The following MKX variants were observed in gnomAD, a reference collection of about 807,000 sequenced individuals.
MKX encodes the protein mohawk homeobox.
Under a neutral mutation model 36.0 loss-of-function variants are expected in MKX, and 13 were observed. The observed-to-expected ratio is 0.36, with a 90% confidence interval of 0.24 to 0.57. The LOEUF (loss-of-function observed/expected upper bound fraction) is 0.57. MKX is among the 20% of genes least tolerant of loss of function. The pLI is 0.79. For missense variants in MKX, 458 were observed against 456.4 expected (o/e 1.00, Z -0.03); for synonymous variants, 176 against 178.3 (o/e 0.99, Z 0.10).
chr10:27,739,283 T>C (rs1834842925), intron 3 of MKX, among the ~76,000 whole-genome samples: 1 of 152,100 alleles, frequency 6.6e-6, no homozygotes, highest in Non-Finnish European at 1.5e-5. Context: ...GATCCGTTGG[T>C]AATTCTATAC....
At chr10:27,708,600 G>A (rs1204495314) in intron 5 of MKX, among the ~76,000 whole-genome samples, 3 of 152,048 alleles carry the variant, frequency 2.0e-5, no homozygotes, top group Non-Finnish European at 4.4e-5. Context: ...GTGGTGGCGT[G>A]CGCCTCTAGT....
intron 5 of MKX, among the ~76,000 whole-genome samples, chr10:27,695,284 C>T (rs1016794581): frequency 1.3e-5 from 2 of 152,072 alleles, no homozygotes; most frequent in East Asian, 3.9e-4. Context: ...TCCCAGGCCA[C>T]CCACAGTGGA....
intron 5 of MKX, among the ~76,000 whole-genome samples, chr10:27,711,459 CTT>C (rs1554772169): frequency 1.2e-4 from 4 of 34,234 alleles, no homozygotes; most frequent in African/African-American, 1.9e-4. Flanking sequence ...TTCTTTCTTT[CTT>C]TCTTTCTTTC....
intron 5 of MKX, among the ~76,000 whole-genome samples, chr10:27,701,368 T>TTATA (rs60262269): frequency 4.6e-4 from 67 of 145,144 alleles, no homozygotes; most frequent in African/African-American, 8.3e-4. Context: ...AAAGATGATT[T>TTATA]TATATATATA....
chr10:27,719,846 G>A (rs1373163510), intron 5 of MKX, among the ~76,000 whole-genome samples: 1 of 151,710 alleles, frequency 6.6e-6, no homozygotes, highest in Non-Finnish European at 1.5e-5. Context: ...AAATTAGCTG[G>A]GCATGGTGGC....
chr10:27,675,521 C>G lies in MKX; in HGVS notation c.872G>C (p.Ser291Thr). 1 of 1,614,126 alleles carries G rather than the reference C, an allele frequency of 6.2e-7. No homozygotes were observed. Among genetic ancestry groups the G allele is most frequent in the Non-Finnish European group, 8.5e-7 (1 of 1,179,992 alleles). ...CGGCCAATGGGAACATTTTGCTCAC[C>G]TTTCACCCTTATTGGATCCGTTTTC... ...TLENGSNKGESAANRKGPSKD... is the reference protein window; with the variant it reads ...TLENGSNKGETAANRKGPSKD... The change falls in exon 6 of 7, where the codon AGC becomes ACC. Residue 291 changes from serine (S) to threonine (T), a missense_variant and splice_region_variant. Physicochemically the swap from Ser to Thr is moderately conservative, Grantham distance 58. Around this residue, in one of 3 missense-constraint regions of MKX, gnomAD observed 297 missense variants for 304.4 expected, o/e 0.98. Transcript: ENST00000419761.
intron 5 of MKX, among the ~76,000 whole-genome samples, chr10:27,732,971 A>G (rs900288248): frequency 1.1e-4 from 16 of 152,068 alleles, no homozygotes; most frequent in African/African-American, 3.6e-4. Context: ...GCTTGTCTCA[A>G]ACTCCTGGGT....
Position 27,734,480 on chromosome 10 carries a change from C to T in MKX, c.814G>A (p.Glu272Lys). Residue 272 changes from glutamate (E) to lysine (K), a missense_variant, in exon 5 of 7, where the codon GAA becomes AAA. Coordinates refer to ENST00000419761, the MANE Select transcript of MKX (RefSeq NM_173576.3). ...ELVSPSSSET[E>K]GNFVYRTDTL... is the part of the protein sequence containing the mutation. ...CCTGTGCGATAGACAAAGTTGCCTT[C>T]AGTTTCTGATGACGATGGAGACACT... 6.2e-7 allele frequency: 1 copy of T among 1,614,122 alleles called. No homozygotes were observed. Among genetic ancestry groups the T allele is most frequent in the South Asian group, 1.1e-5 (1 of 91,068 alleles).
intron 5 of MKX, among the ~76,000 whole-genome samples, chr10:27,721,464 T>C (rs1198349150): frequency 6.6e-6 from 1 of 152,230 alleles, no homozygotes; most frequent in Non-Finnish European, 1.5e-5. Context: ...AATGCGATAA[T>C]GTCCTTTGCA....
In MKX at chr10:27,741,061, AG is replaced by A. The variant is rs2132653741; in HGVS notation, c.348+283del. ...GTGGGGCCTAGCGATTCGTGTTTTA[AG>A]CTCTCCAGGCGATTCTGATGCTCAC... On this transcript the variant is annotated intron_variant, in intron 3 of 6. Transcript: ENST00000419761. The surrounding 1 kb of genome is among the most constrained non-coding windows in gnomAD (Gnocchi z 5.1). Among the ~76,000 whole-genome samples the A allele has an allele frequency of 6.6e-6, 1 of 152,286 alleles. No individual in the cohort carries two copies. Among genetic ancestry groups the A allele is most frequent in the Admixed American group, 6.5e-5 (1 of 15,302 alleles).
At chr10:27,692,216 G>T (rs904241116) in intron 5 of MKX, among the ~76,000 whole-genome samples, 5 of 152,112 alleles carry the variant, frequency 3.3e-5, no homozygotes, top group African/African-American at 1.2e-4. Context: ...ACTATTTATT[G>T]TCTATCTTTG....
At chr10:27,712,672 G>A (rs1836893478) in intron 5 of MKX, among the ~76,000 whole-genome samples, 1 of 152,168 alleles carries the variant, frequency 6.6e-6, no homozygotes, top group Non-Finnish European at 1.5e-5. Context: ...GCTGTGCCCA[G>A]GCACAGTGGC....
At chr10:27,700,273 T>C (rs983013282) in intron 5 of MKX, among the ~76,000 whole-genome samples, 1 of 152,222 alleles carries the variant, frequency 6.6e-6, no homozygotes. Flanking sequence ...TTTATTTCAG[T>C]CTTTTCAATA....
At chr10:27,693,544 C>T (rs928949303) in intron 5 of MKX, among the ~76,000 whole-genome samples, 3 of 151,888 alleles carry the variant, frequency 2.0e-5, no homozygotes, top group Admixed American at 6.6e-5. Flanking sequence ...TTTGCAAGGC[C>T]ATTTCATGGA....
intron 5 of MKX, among the ~76,000 whole-genome samples, chr10:27,717,028 A>G (rs912114234): frequency 1.3e-5 from 2 of 152,138 alleles, no homozygotes; most frequent in African/African-American, 4.8e-5. Flanking sequence ...GAAAGACTCA[A>G]CATGTGGGTG....
At chr10:27,701,230 C>T (rs965131149) in intron 5 of MKX, among the ~76,000 whole-genome samples, 3 of 151,862 alleles carry the variant, frequency 2.0e-5, no homozygotes, top group African/African-American at 4.8e-5. Flanking sequence ...ACAATTGCTA[C>T]GTAACGTTTT....
chr10:27,686,649 G>A (rs567856530), intron 5 of MKX, among the ~76,000 whole-genome samples: 2 of 152,094 alleles, frequency 1.3e-5, no homozygotes, highest in African/African-American at 4.8e-5. Flanking sequence ...GCTAATTTTT[G>A]TATTTTTAGT....
Position 27,702,632 on chromosome 10 carries a change from T to C in MKX, c.839-27078A>G, listed in dbSNP as rs536976424. 3.9e-5 allele frequency among the ~76,000 whole-genome samples: 6 copies of C among 152,262 alleles called. No individual in the cohort carries two copies. The South Asian group carries it at 1.2e-3, about 32-fold the overall frequency. ...GTGAAAGAAGAACCACTGTCCTATC[T>C]CTAAACATGTAGTTCATTCTCTACC... On this transcript the variant is annotated intron_variant, in intron 5 of 6. Transcript: ENST00000419761.
chr10:27,722,605 C>T (rs930300027), intron 5 of MKX, among the ~76,000 whole-genome samples: 2 of 152,190 alleles, frequency 1.3e-5, no homozygotes, highest in African/African-American at 4.8e-5. Context: ...TTGCTCTCTG[C>T]TCTGTCCACA....
Sources: gnomAD v4.1 joint callset for allele counts (sites outside exome capture counted in the v4.1 genomes callset) on GRCh38, gnomAD v4.1.1 for gene constraint, gnomAD v4.1.1 regional missense constraint, Gnocchi (gnomAD v3.1) non-coding constraint, MANE v1.5 for transcripts, NCBI Gene and HGNC (gene_info 2026-07-23, HGNC 2026-07-21) for gene names.